The following VAC14 variants were observed in gnomAD, a reference collection of about 807,000 sequenced individuals.
VAC14 encodes the protein VAC14 component of PIKFYVE complex.
In VAC14, 47 loss-of-function variants were observed where a neutral mutation model predicts 85.3. The observed-to-expected ratio is 0.55, with a 90% CI of 0.44 to 0.70. The LOEUF (loss-of-function observed/expected upper bound fraction) is 0.70. Among genes scored for constraint, VAC14 ranks in the 30% least tolerant of loss-of-function variants. VAC14 has a pLI of 0.00. For missense variants in VAC14, 861 were observed against 1,004.3 expected (o/e 0.86, Z 1.93); for synonymous variants, 447 against 430.5 (o/e 1.04, Z -0.47).
chr16:70,724,911 A>G (rs2054384248), intron 14 of VAC14, among the ~76,000 whole-genome samples: 1 of 152,214 alleles, frequency 6.6e-6, no homozygotes, highest in Non-Finnish European at 1.5e-5. Flanking sequence ...ATCAAAACCC[A>G]TCTGCATTCT....
Position 70,752,975 on chromosome 16 carries a change from G to C in VAC14, c.1372-8396C>G, listed in dbSNP as rs142066416. ...GGACGGGGGGACATAAAGACACAGAGGGAACCTGGCCCAGCCTTGATGTGC... is the reference window on the plus strand; with the variant it reads ...GGACGGGGGGACATAAAGACACAGACGGAACCTGGCCCAGCCTTGATGTGC... On this transcript the variant is annotated intron_variant, in intron 12 of 18. Transcript: ENST00000261776. Among the ~76,000 whole-genome samples the C allele has an allele frequency of 2.2e-4, 34 of 152,142 alleles. 1 individual carries two copies. The highest frequency in any genetic ancestry group is 4.7e-4 in the Non-Finnish European group (32 of 68,008).
intron 17 of VAC14, among the ~76,000 whole-genome samples, chr16:70,693,566 C>T (rs936300): frequency 0.031 from 4,676 of 152,288 alleles, 329 homozygotes; most frequent in East Asian, 0.2. Context: ...GCCAGCCCTG[C>T]CACCACCCTG....
At position 70,697,425 on chromosome 16, in the gene VAC14, A is replaced by G. The variant is rs9924014; in HGVS notation, c.1837-168T>C. Among the ~76,000 whole-genome samples the G allele has an allele frequency of 0.067, 10,190 of 152,254 alleles. 1,133 individuals carry two copies. The highest frequency in any genetic ancestry group is 0.23 in the African/African-American group (9,464 of 41,518). ...GCTGGGAACGAGCCGTCACAAAGGA[A>G]ATGCTGACAGCTCCTTCGCAGACCC... On this transcript the variant is annotated intron_variant, in intron 15 of 18. Transcript: ENST00000261776.
intron 9 of VAC14, chr16:70,773,286 T>C (rs1173761681): frequency 6.6e-6 from 1 of 152,246 alleles, no homozygotes; most frequent in African/African-American, 2.4e-5. Flanking sequence ...ACTGTGTCTG[T>C]GCCCGAGTCT....
chr16:70,772,161 C>T lies in VAC14; in HGVS notation c.1108G>A (p.Gly370Ser), dbSNP rs934472739. The T allele has an allele frequency of 1.2e-6, 2 of 1,614,094 alleles. No homozygotes were observed. Among genetic ancestry groups the T allele is most frequent in the African/African-American group, 1.3e-5 (1 of 75,042 alleles). The change falls in exon 10 of 19, where the codon GGT (glycine) becomes AGT (serine). Residue 370 changes from glycine (G) to serine (S), a missense_variant. Gly to Ser is a moderately conservative substitution (Grantham distance 56). This residue lies in a region of VAC14 where 629 missense variants were observed against 703.1 expected (regional missense o/e 0.89). Coordinates refer to ENST00000261776, the MANE Select transcript of VAC14 (RefSeq NM_018052.5). ...CTACTGAAGCTGGAGTCACAGGAAC[C>T]ATCTGGACCTCCTGGGAGAGGAAGA... ...QEGTASGGPD[G>S]SCDSSFSSGI... is the part of the protein sequence containing the mutation.
At chr16:70,729,988 C>A (rs731697) in intron 14 of VAC14, among the ~76,000 whole-genome samples, 1 of 152,026 alleles carries the variant, frequency 6.6e-6, no homozygotes, top group Non-Finnish European at 1.5e-5. Context: ...CCTCCTCACT[C>A]CCTGCCACTC....
intron 14 of VAC14, among the ~76,000 whole-genome samples, chr16:70,725,670 G>A (rs569099209): frequency 2.0e-5 from 3 of 152,334 alleles, no homozygotes; most frequent in East Asian, 3.9e-4. Context: ...TGTAGCAGAG[G>A]TGAGAGGAGG....
At chr16:70,785,474 C>G (rs940546944) in intron 3 of VAC14, among the ~76,000 whole-genome samples, 9 of 152,168 alleles carry the variant, frequency 5.9e-5, no homozygotes, top group South Asian at 2.1e-4. Flanking sequence ...GTATGGCAGA[C>G]TGATACTTAT....
intron 10 of VAC14, among the ~76,000 whole-genome samples, chr16:70,763,659 C>T (rs80048911): frequency 0.028 from 4,218 of 152,250 alleles, 140 homozygotes; most frequent in African/African-American, 0.078. Context: ...GACCAAAATG[C>T]GCTCCTTTGA....
At chr16:70,739,917 C>G (rs535116924) in intron 13 of VAC14, among the ~76,000 whole-genome samples, 10 of 152,154 alleles carry the variant, frequency 6.6e-5, no homozygotes, top group Admixed American at 3.3e-4. Flanking sequence ...ATAAAAACAC[C>G]TTGGACCACT....
chr16:70,698,210 C>T (rs756900185), intron 15 of VAC14, among the ~76,000 whole-genome samples: 9 of 152,128 alleles, frequency 5.9e-5, no homozygotes, highest in Non-Finnish European at 8.8e-5. Flanking sequence ...CCAAGGAGGG[C>T]GAGAAGAGCT....
intron 9 of VAC14, among the ~76,000 whole-genome samples, chr16:70,775,822 T>C (rs1227157934): frequency 6.6e-6 from 1 of 152,258 alleles, no homozygotes; most frequent in Non-Finnish European, 1.5e-5. Flanking sequence ...TAATTTAGAT[T>C]GTCTCCAGAT....
At chr16:70,798,484 A>C (rs2034639249) in intron 1 of VAC14, among the ~76,000 whole-genome samples, 1 of 152,258 alleles carries the variant, frequency 6.6e-6, no homozygotes, top group Admixed American at 6.5e-5. Flanking sequence ...TCAGACAAGC[A>C]AAATGCTGGT....
intron 10 of VAC14, among the ~76,000 whole-genome samples, chr16:70,765,029 G>T (rs1390451451): frequency 6.6e-6 from 1 of 152,180 alleles, no homozygotes; most frequent in African/African-American, 2.4e-5. Flanking sequence ...ATGTCCTGGT[G>T]GTGGAAGAGA....
rs368709721 is a variant in VAC14 at position 70,787,368 on chromosome 16, G to A, written c.105-1003C>T. Reference sequence around the variant, plus strand: ...AGGAGAGAGGAGGGTAGGGTAGACAGTGCCCCCAGGTGTCTCCCTGGACAG... The same window carrying A: ...AGGAGAGAGGAGGGTAGGGTAGACAATGCCCCCAGGTGTCTCCCTGGACAG... On this transcript the variant is annotated intron_variant, in intron 1 of 18. Transcript: ENST00000261776. Among the ~76,000 whole-genome samples, 10 of 152,306 alleles carry A rather than the reference G, an allele frequency of 6.6e-5. No homozygotes were observed. In the East Asian group the frequency reaches 1.7e-3, roughly 26 times the overall value.
chr16:70,772,269 C>A, intron 9 of VAC14, 97 bp from the exon 10 acceptor site: 1 of 1,050,776 alleles, frequency 9.5e-7, no homozygotes, highest in Non-Finnish European at 1.5e-6. Context: ...TCTCCAGAGC[C>A]CCATACCTTG....
intron 14 of VAC14, among the ~76,000 whole-genome samples, chr16:70,724,395 C>T (rs2142999739): frequency 6.6e-6 from 1 of 152,340 alleles, no homozygotes; most frequent in Non-Finnish European, 1.5e-5. Flanking sequence ...TGCAAGGACG[C>T]TGGTCATTTT....
At position 70,786,203 on chromosome 16, in the gene VAC14, T is replaced by G. The variant is rs766144215; in HGVS notation, c.255+12A>C. On this transcript the variant is annotated intron_variant, in intron 2 of 18. Transcript: ENST00000261776. ...AGGACTGGTATGTCTGTCCCTTGGG[T>G]GAAAGGCCCACCTTGCCCAGTGCGA... 9 of 1,613,028 alleles carry G rather than the reference T, an allele frequency of 5.6e-6. No individual in the cohort carries two copies. The highest frequency in any genetic ancestry group is 2.7e-5 in the African/African-American group (2 of 75,050).
At chr16:70,752,582 T>C (rs2031473813) in intron 12 of VAC14, among the ~76,000 whole-genome samples, 1 of 152,246 alleles carries the variant, frequency 6.6e-6, no homozygotes, top group South Asian at 2.1e-4. Context: ...ATACCCGCTA[T>C]GGCTCTGTCA....
Sources: gnomAD v4.1 joint callset for allele counts (sites outside exome capture counted in the v4.1 genomes callset) on GRCh38, gnomAD v4.1.1 for gene constraint, gnomAD v4.1.1 regional missense constraint, MANE v1.5 for transcripts, NCBI Gene and HGNC (gene_info 2026-07-23, HGNC 2026-07-21) for gene names.